The following ATP11B variants were observed in gnomAD, a reference collection of about 807,000 sequenced individuals.
The protein encoded by ATP11B is phospholipid-transporting ATPase IF.
Under a neutral mutation model 157.8 loss-of-function variants are expected in ATP11B, and 81 were observed. That is an observed-to-expected ratio of 0.51 (90% CI 0.43 to 0.62). The LOEUF is 0.62. Among genes scored for constraint, ATP11B ranks in the 20% least tolerant of loss-of-function variants. The pLI is 0.00. For missense variants in ATP11B, 1,165 were observed against 1,402.2 expected (o/e 0.83, Z 2.70); for synonymous variants, 451 against 469.4 (o/e 0.96, Z 0.51).
chr3:182,829,035 A>G (rs1717929580), intron 3 of ATP11B, among the ~76,000 whole-genome samples: 1 of 152,124 alleles, frequency 6.6e-6, no homozygotes, highest in Non-Finnish European at 1.5e-5. Flanking sequence ...GCTTTCTTTC[A>G]TGAACAGACA....
At chr3:182,801,408 G>T (rs1716005554) in intron 1 of ATP11B, among the ~76,000 whole-genome samples, 1 of 152,212 alleles carries the variant, frequency 6.6e-6, no homozygotes, top group South Asian at 2.1e-4. Flanking sequence ...TATTCTTACT[G>T]TGTGAAGCCG....
intron 1 of ATP11B, among the ~76,000 whole-genome samples, chr3:182,810,729 T>C (rs1716612807): frequency 6.6e-6 from 1 of 152,238 alleles, no homozygotes; most frequent in South Asian, 2.1e-4. Context: ...GAAATATTTG[T>C]TGTACAGTAG....
intron 4 of ATP11B, among the ~76,000 whole-genome samples, chr3:182,831,876 C>T (rs1481287670): frequency 2.0e-5 from 3 of 152,012 alleles, no homozygotes; most frequent in African/African-American, 7.2e-5. Context: ...CTCTACGGTG[C>T]CAGATAATTT....
Position 182,881,058 on chromosome 3 carries a change from T to G in ATP11B, c.2509+77T>G, listed in dbSNP as rs979234547. 4 of 1,128,622 alleles carry G rather than the reference T, an allele frequency of 3.5e-6. 1 individual carries two copies. In the South Asian group the frequency reaches 6.1e-5, roughly 17 times the overall value. 69.9% of individuals were successfully genotyped at this position (1,128,622 alleles called of 1,614,324 possible). A position where few individuals can be genotyped will look rare whatever the true frequency, so the allele number is the denominator to read the frequency against. ...TTATTTGGTGGTTTTTAATTTTCTT[T>G]TTGTAGATTAAAGTACAGTATCAAA... is the stretch of plus-strand genomic sequence containing the variant. On this transcript the variant is annotated intron_variant, in intron 21 of 29. Transcript: ENST00000323116.
intron 28 of ATP11B, among the ~76,000 whole-genome samples, chr3:182,910,135 C>CAT (rs1384790137): frequency 1.6e-5 from 2 of 124,500 alleles, no homozygotes; most frequent in African/African-American, 6.2e-5. Context: ...AAAAAGGAAA[C>CAT]ATATACATAC....
At chr3:182,866,785 T>C (rs550471934) in intron 14 of ATP11B, among the ~76,000 whole-genome samples, 1 of 148,230 alleles carries the variant, frequency 6.7e-6, no homozygotes, top group South Asian at 2.1e-4. Context: ...ATATATATGT[T>C]TGTGTATGTG....
Position 182,913,864 on chromosome 3 carries a change from A to G in ATP11B, c.3322A>G (p.Thr1108Ala). 6.2e-7 allele frequency: 1 copy of G among 1,614,086 alleles called. No individual in the cohort carries two copies. Among genetic ancestry groups the G allele is most frequent in the Non-Finnish European group, 8.5e-7 (1 of 1,179,928 alleles). Residue 1108 changes from threonine (T) to alanine (A), a missense_variant, in exon 29 of 30, where the codon ACT (threonine) becomes GCT (alanine). Thr to Ala is a moderately conservative substitution (Grantham distance 58). Transcript: ENST00000323116. The stretch of plus-strand genomic sequence containing the variant: ...TTTTCTGCTTCACCTCCCGCAGCTT[A>G]CTGAAACAAATGCAGGTATCAAGTG... ...HPTSTEKAQL[T>A]ETNAGIKCLD... is the part of the protein sequence containing the mutation.
intron 23 of ATP11B, 64 bp from the exon 24 acceptor site, chr3:182,887,522 G>T: frequency 1.4e-6 from 2 of 1,388,936 alleles, no homozygotes; most frequent in Non-Finnish European, 9.8e-7. Context: ...ATGCATAGTT[G>T]TCATATGCAT....
At chr3:182,885,648 A>G (rs1288168692) in intron 22 of ATP11B, among the ~76,000 whole-genome samples, 4 of 152,164 alleles carry the variant, frequency 2.6e-5, no homozygotes, top group Admixed American at 2.6e-4. Context: ...ATTGTACTAT[A>G]TATGAAAAGT....
chr3:182,910,081 A>G (rs1194409322), intron 28 of ATP11B, among the ~76,000 whole-genome samples: 158 of 151,348 alleles, frequency 1.0e-3, no homozygotes, highest in African/African-American at 3.6e-3. Flanking sequence ...CAGAAAAAAA[A>G]AAAAAAAAAA....
chr3:182,802,666 T>G (rs771658538), intron 1 of ATP11B, among the ~76,000 whole-genome samples: 2 of 152,164 alleles, frequency 1.3e-5, no homozygotes, highest in Non-Finnish European at 2.9e-5. Context: ...TTTCCAGCCA[T>G]TCAGTATAAT....
At chr3:182,905,936 C>A in intron 28 of ATP11B, 1 of 453,852 alleles carries the variant, frequency 2.2e-6, no homozygotes, top group Non-Finnish European at 4.4e-6. Flanking sequence ...CTGCGCTGGA[C>A]CTTCCCGGGC....
At chr3:182,810,445 C>CT (rs796105003) in intron 1 of ATP11B, among the ~76,000 whole-genome samples, 22 of 150,024 alleles carry the variant, frequency 1.5e-4, no homozygotes, top group Middle Eastern at 3.5e-3. Context: ...TTTACTGAGT[C>CT]TTTTTTTTTT....
At chr3:182,860,051 G>C (rs897438314) in intron 12 of ATP11B, among the ~76,000 whole-genome samples, 1 of 151,292 alleles carries the variant, frequency 6.6e-6, no homozygotes, top group African/African-American at 2.4e-5. Context: ...CTGTCACTCT[G>C]GACTTCACTT....
intron 1 of ATP11B, among the ~76,000 whole-genome samples, chr3:182,807,401 T>A (rs1716390691): frequency 6.6e-6 from 1 of 152,140 alleles, no homozygotes. Context: ...CAAGGTGAAA[T>A]ATATTTTATT....
intron 25 of ATP11B, among the ~76,000 whole-genome samples, chr3:182,895,275 G>A (rs974503861): frequency 6.6e-6 from 1 of 152,094 alleles, no homozygotes; most frequent in Non-Finnish European, 1.5e-5. Context: ...GATAAGCACA[G>A]GTTCAGTATG....
Position 182,913,869 on chromosome 3 carries a change from A to C in ATP11B, c.3327A>C (p.Glu1109Asp). ...PTSTEKAQLT[E>D]TNAGIKCLDS... ...TGCTTCACCTCCCGCAGCTTACTGAAACAAATGCAGGTATCAAGTGCTTGG... is the reference window on the plus strand; with the variant it reads ...TGCTTCACCTCCCGCAGCTTACTGACACAAATGCAGGTATCAAGTGCTTGG... Residue 1109 changes from glutamate to aspartate, a missense_variant, in exon 29 of 30, where the codon GAA becomes GAC. This residue lies in a region of ATP11B where 303 missense variants were observed against 296.3 expected (regional missense o/e 1.02). Transcript: ENST00000323116. 6.2e-7 allele frequency: 1 copy of C among 1,614,144 alleles called. No individual in the cohort carries two copies. The highest frequency in any genetic ancestry group is 8.5e-7 in the Non-Finnish European group (1 of 1,179,960).
intron 29 of ATP11B, chr3:182,915,694 C>T (rs1163902865): frequency 1.6e-5 from 16 of 982,078 alleles, no homozygotes; most frequent in African/African-American, 1.1e-4. Flanking sequence ...TTCTTGATAT[C>T]GATTATGGTA....
intron 10 of ATP11B, among the ~76,000 whole-genome samples, chr3:182,854,904 A>G (rs1376640371): frequency 6.6e-6 from 1 of 152,044 alleles, no homozygotes; most frequent in Non-Finnish European, 1.5e-5. Context: ...ATTACAAAAC[A>G]CTGAGGAAAG....
Sources: gnomAD v4.1 joint callset for allele counts (sites outside exome capture counted in the v4.1 genomes callset) on GRCh38, gnomAD v4.1.1 for gene constraint, gnomAD v4.1.1 regional missense constraint, MANE v1.5 for transcripts, NCBI Gene and HGNC (gene_info 2026-07-23, HGNC 2026-07-21) for gene names.